The following DCC variants were observed in gnomAD, a reference collection of about 807,000 sequenced individuals.
DCC encodes netrin receptor DCC.
DCC carries 58 observed loss-of-function variants against 172.5 expected under a neutral mutation model. The ratio of observed to expected loss-of-function variants is 0.34; its 90% CI spans 0.27 to 0.42. The LOEUF (loss-of-function observed/expected upper bound fraction) is 0.42. Among genes scored for constraint, DCC ranks in the 10% least tolerant of loss-of-function variants. DCC has a pLI of 1.00. For synonymous variants in DCC, 709 were observed against 644.5 expected, an observed-to-expected ratio of 1.10 and a Z score of -1.52; for missense variants, 1,740 against 1,791.0, an observed-to-expected ratio of 0.97 and a Z score of 0.51.
Position 53,005,553 on chromosome 18 carries a change from C to T in DCC, c.986-57752C>T, listed in dbSNP as rs151119140. Among the ~76,000 whole-genome samples, 953 of 152,108 alleles carry T rather than the reference C, an allele frequency of 6.3e-3. 12 individuals carry two copies. The highest frequency in any genetic ancestry group is 0.022 in the African/African-American group (910 of 41,498). ...TTCAAGGCCAGCCTGGCCAACATGA[C>T]GAAACCCCATCTCTACTGAAAAAAA... On this transcript the variant is annotated intron_variant, in intron 5 of 28. Coordinates refer to ENST00000442544, the MANE Select transcript of DCC (RefSeq NM_005215.4).
chr18:52,470,467 A>G (rs553810309), intron 1 of DCC, among the ~76,000 whole-genome samples: 4 of 152,258 alleles, frequency 2.6e-5, no homozygotes, highest in Admixed American at 6.5e-5. Flanking sequence ...CTCTTGTAAC[A>G]TTGAGGAAGG....
At chr18:53,530,210 T>C in intron 28 of DCC, 2 of 646,314 alleles carry the variant, frequency 3.1e-6, no homozygotes, top group Non-Finnish European at 2.8e-6. Flanking sequence ...GAAATAGATG[T>C]CATTATCATT....
intron 12 of DCC, among the ~76,000 whole-genome samples, chr18:53,305,353 T>A (rs2057187891): frequency 6.6e-6 from 1 of 152,126 alleles, no homozygotes; most frequent in Non-Finnish European, 1.5e-5. Flanking sequence ...AAAGGAGAGG[T>A]GATAATGCAT....
At chr18:52,395,155 G>A (rs1418938308) in intron 1 of DCC, among the ~76,000 whole-genome samples, 1 of 151,996 alleles carries the variant, frequency 6.6e-6, no homozygotes, top group Non-Finnish European at 1.5e-5. Flanking sequence ...GCTTTCAGAG[G>A]ACTAACACCA....
intron 2 of DCC, among the ~76,000 whole-genome samples, chr18:52,861,404 A>G (rs1361902320): frequency 6.6e-6 from 1 of 152,224 alleles, no homozygotes; most frequent in Admixed American, 6.5e-5. Flanking sequence ...TGGTAAAATA[A>G]CTAGTACCCA....
At chr18:53,231,749 T>C (rs1568380354) in intron 12 of DCC, among the ~76,000 whole-genome samples, 1 of 152,082 alleles carries the variant, frequency 6.6e-6, no homozygotes, top group Non-Finnish European at 1.5e-5. Context: ...AGATTAATTT[T>C]CCAGTATTAA....
intron 5 of DCC, among the ~76,000 whole-genome samples, chr18:52,928,697 A>C (rs181502783): frequency 4.6e-5 from 7 of 152,294 alleles, no homozygotes; most frequent in Admixed American, 4.6e-4. Context: ...GGTCGAGCCC[A>C]TTAGATAACA....
At chr18:52,870,469 G>A (rs541686890) in intron 2 of DCC, among the ~76,000 whole-genome samples, 89 of 152,280 alleles carry the variant, frequency 5.8e-4, no homozygotes, top group African/African-American at 2.0e-3. Context: ...GCTGTGAAAC[G>A]AATGAAAGGC....
intron 1 of DCC, among the ~76,000 whole-genome samples, chr18:52,402,776 G>A (rs1033623036): frequency 1.3e-5 from 2 of 152,002 alleles, no homozygotes; most frequent in Non-Finnish European, 2.9e-5. Flanking sequence ...AAGAATTAGT[G>A]ATAATAGGGA....
intron 1 of DCC, among the ~76,000 whole-genome samples, chr18:52,566,809 G>C (rs984784545): frequency 1.5e-4 from 23 of 151,904 alleles, no homozygotes; most frequent in Non-Finnish European, 3.2e-4. Context: ...AAGTAAAATG[G>C]TTTATTTGGG....
chr18:52,575,168 A>G (rs2033380693), intron 1 of DCC, among the ~76,000 whole-genome samples: 1 of 152,108 alleles, frequency 6.6e-6, no homozygotes, highest in Non-Finnish European at 1.5e-5. Flanking sequence ...AATGAGTTAT[A>G]TTTTTCTGGA....
chr18:52,890,417 T>A (rs928352441), intron 2 of DCC, among the ~76,000 whole-genome samples: 2 of 152,086 alleles, frequency 1.3e-5, no homozygotes, highest in Non-Finnish European at 1.5e-5. Context: ...TAAAGAAATA[T>A]AGGAAACAAG....
chr18:53,139,540 C>CT (rs532399544), intron 7 of DCC, among the ~76,000 whole-genome samples: 60 of 152,132 alleles, frequency 3.9e-4, no homozygotes, highest in African/African-American at 1.3e-3. Flanking sequence ...TCTTGAATAC[C>CT]TTTTTTGTTT....
At chr18:53,080,429 G>A (rs918374149) in intron 7 of DCC, among the ~76,000 whole-genome samples, 8 of 152,114 alleles carry the variant, frequency 5.3e-5, no homozygotes, top group African/African-American at 1.7e-4. Context: ...TCATTAGGAA[G>A]CCTAAAAGGC....
At chr18:53,295,597 G>C (rs374733000) in intron 12 of DCC, among the ~76,000 whole-genome samples, 2 of 152,158 alleles carry the variant, frequency 1.3e-5, no homozygotes, top group Non-Finnish European at 2.9e-5. Context: ...TTGAGATTAT[G>C]AGTATAACAT....
intron 12 of DCC, among the ~76,000 whole-genome samples, chr18:53,227,626 A>C (rs1449933900): frequency 6.6e-6 from 1 of 152,212 alleles, no homozygotes; most frequent in Admixed American, 6.5e-5. Context: ...AGGAAAAAGA[A>C]AGTATTAAGG....
intron 1 of DCC, among the ~76,000 whole-genome samples, chr18:52,709,812 A>G (rs1364411222): frequency 6.6e-6 from 1 of 152,266 alleles, no homozygotes; most frequent in Non-Finnish European, 1.5e-5. Context: ...TTCACAGGAA[A>G]GAAACTGTAT....
At chr18:53,018,909 T>G (rs954457017) in intron 5 of DCC, among the ~76,000 whole-genome samples, 12 of 152,158 alleles carry the variant, frequency 7.9e-5, no homozygotes, top group African/African-American at 2.9e-4. Context: ...CATACAATGT[T>G]TTTTCAATGT....
At chr18:52,357,767 T>C (rs1984434085) in intron 1 of DCC, among the ~76,000 whole-genome samples, 1 of 151,844 alleles carries the variant, frequency 6.6e-6, no homozygotes, top group African/African-American at 2.4e-5. Flanking sequence ...AAACCCCGTC[T>C]CTACTAAAAA....
Sources: allele counts gnomAD v4.1 joint callset (sites outside exome capture counted in the v4.1 genomes callset), GRCh38; gene constraint gnomAD v4.1.1; transcripts MANE v1.5; gene names NCBI Gene and HGNC (gene_info 2026-07-23, HGNC 2026-07-21).